Variants in UNC13B observed in about 807,000 individuals in gnomAD.
The protein encoded by UNC13B is unc-13 homolog B.
In UNC13B, 144 loss-of-function variants were observed where a neutral mutation model predicts 211.0. The ratio of observed to expected loss-of-function variants is 0.68; its 90% CI spans 0.60 to 0.78. The LOEUF (loss-of-function observed/expected upper bound fraction) is 0.78. Among genes scored for constraint, UNC13B ranks in the 30% least tolerant of loss-of-function variants. The pLI is 0.00. For synonymous variants in UNC13B, 709 were observed against 725.8 expected, an observed-to-expected ratio of 0.98 and a Z score of 0.37; for missense variants, 1,777 against 2,002.0, an observed-to-expected ratio of 0.89 and a Z score of 2.14.
intron 1 of UNC13B, among the ~76,000 whole-genome samples, chr9:35,223,358 TATA>T (rs1180662016): frequency 6.6e-6 from 1 of 152,192 alleles, no homozygotes; most frequent in East Asian, 1.9e-4. Flanking sequence ...CAGCATCTGT[TATA>T]TTTTGTGGTT....
intron 1 of UNC13B, among the ~76,000 whole-genome samples, chr9:35,204,788 T>C (rs2131391883): frequency 6.6e-6 from 1 of 152,346 alleles, no homozygotes; most frequent in African/African-American, 2.4e-5. Flanking sequence ...GCTTGCCTTG[T>C]CTCAGATGTC....
chr9:35,399,976 GTC>G, intron 36 of UNC13B, among the ~76,000 whole-genome samples: 1 of 152,296 alleles, frequency 6.6e-6, no homozygotes, highest in African/African-American at 2.4e-5. Flanking sequence ...TATGTCATAG[GTC>G]TCAAGTTCTC....
At chr9:35,184,577 G>A (rs544814736) in intron 1 of UNC13B, among the ~76,000 whole-genome samples, 53 of 152,206 alleles carry the variant, frequency 3.5e-4, no homozygotes, top group Admixed American at 2.2e-3. Flanking sequence ...GCGTGGCAGC[G>A]CACGCCTGCA....
chr9:35,402,472 C>T (rs922936666), intron 37 of UNC13B, among the ~76,000 whole-genome samples: 1 of 151,710 alleles, frequency 6.6e-6, no homozygotes, highest in Non-Finnish European at 1.5e-5. Context: ...TTAGTAGAGA[C>T]GGGGTTTCAC....
At chr9:35,352,278 T>C in intron 11 of UNC13B, 2 of 1,232,206 alleles carry the variant, frequency 1.6e-6, no homozygotes, top group Non-Finnish European at 2.0e-6. Context: ...GTTAATGGCA[T>C]GCAGTGCAAC....
Position 35,300,974 on chromosome 9 carries a change from A to G in UNC13B, c.1570A>G (p.Ile524Val), listed in dbSNP as rs1829651707. Residue 524 changes from isoleucine (I) to valine (V), a missense_variant, in exon 9 of 40, where the codon ATC becomes GTC. Ile to Val is a conservative substitution (Grantham distance 29, BLOSUM62 3). Coordinates refer to ENST00000635942, the MANE Select transcript of UNC13B (RefSeq NM_001371189.2). ...TIVKNDKDTA[I>V]SFPELTGVQC... Reference sequence around the variant, plus strand: ...TGTCAAGAATGACAAGGACACGGCCATCTCTTTCCCTGAGTTGACTGGAGT... The same window carrying G: ...TGTCAAGAATGACAAGGACACGGCCGTCTCTTTCCCTGAGTTGACTGGAGT... 2 of 399,012 alleles carry G rather than the reference A, an allele frequency of 5.0e-6. No homozygotes were observed. Among genetic ancestry groups the G allele is most frequent in the East Asian group, 3.6e-5 (1 of 28,068 alleles). 24.7% of individuals were successfully genotyped at this position (399,012 alleles called of 1,614,324 possible).
intron 1 of UNC13B, among the ~76,000 whole-genome samples, chr9:35,196,792 G>T (rs917926179): frequency 1.3e-5 from 2 of 151,840 alleles, no homozygotes; most frequent in Admixed American, 6.6e-5. Context: ...TTTTTTTGAG[G>T]CATGGTCTTG....
rs764916089 is a variant in UNC13B at position 35,400,367 on chromosome 9, A to G, written c.12408A>G (p.Leu4136=). Residue 4136 remains leucine, a synonymous_variant, in exon 37 of 40, where the codon CTA becomes CTG. Coordinates refer to ENST00000635942, the MANE Select transcript of UNC13B (RefSeq NM_001371189.2). ...AGAAGAGCCCAGATCTGCAGTCTCTACGCTATGCCCTGTCTCTGTACACAC... is the reference window on the plus strand; with the variant it reads ...AGAAGAGCCCAGATCTGCAGTCTCTGCGCTATGCCCTGTCTCTGTACACAC... ...FLEKSPDLQS[L]RYALSLYTQT... is the part of the protein sequence containing the mutation. The G allele has an allele frequency of 1.2e-5, 19 of 1,614,042 alleles. No individual in the cohort carries two copies. The highest frequency in any genetic ancestry group is 1.4e-5 in the Non-Finnish European group (16 of 1,180,022).
intron 37 of UNC13B, among the ~76,000 whole-genome samples, chr9:35,402,575 C>T (rs1330222606): frequency 6.6e-6 from 1 of 152,122 alleles, no homozygotes; most frequent in East Asian, 1.9e-4. Flanking sequence ...AGCCACTGCA[C>T]CTGGCCAGGT....
chr9:35,328,242 T>A (rs768250547), intron 11 of UNC13B, among the ~76,000 whole-genome samples: 104 of 152,164 alleles, frequency 6.8e-4, no homozygotes, highest in Non-Finnish European at 1.4e-3. Context: ...CAGGCTGGTC[T>A]CGAATTCCTG....
intron 1 of UNC13B, among the ~76,000 whole-genome samples, chr9:35,213,199 G>T (rs111546230): frequency 2.6e-4 from 40 of 152,172 alleles, no homozygotes; most frequent in Non-Finnish European, 2.9e-4. Flanking sequence ...CCAATGTGAT[G>T]GTATTTGTAG....
intron 13 of UNC13B, among the ~76,000 whole-genome samples, chr9:35,371,388 C>T (rs1834114905): frequency 2.0e-5 from 3 of 149,468 alleles, no homozygotes; most frequent in Middle Eastern, 7.1e-3. Context: ...CCCTGTTACC[C>T]AGGCTGGTCT....
intron 12 of UNC13B, among the ~76,000 whole-genome samples, chr9:35,369,128 T>C (rs12684897): frequency 0.16 from 24,308 of 152,226 alleles, 2,061 homozygotes; most frequent in Admixed American, 0.18. Context: ...GGAGCTGTTT[T>C]ATTAGAAATC....
intron 11 of UNC13B, chr9:35,364,668 T>TGCAC: frequency 2.4e-6 from 3 of 1,263,300 alleles, no homozygotes; most frequent in African/African-American, 1.5e-5. Flanking sequence ...TGTGTGTACA[T>TGCAC]GCACATGTGC....
chr9:35,315,774 C>T (rs548295374), intron 11 of UNC13B, among the ~76,000 whole-genome samples: 5 of 152,270 alleles, frequency 3.3e-5, no homozygotes, highest in South Asian at 2.1e-4. Flanking sequence ...TAGCTTCGTT[C>T]GGTGTTTCCC....
chr9:35,399,309 T>A (rs989549229), intron 34 of UNC13B, 25 bp downstream of exon 34: 1 of 1,614,106 alleles, frequency 6.2e-7, no homozygotes, highest in African/African-American at 1.3e-5. Flanking sequence ...TTCCACTTCC[T>A]CCTGCTGTCT....
chr9:35,403,255 G>T lies in UNC13B; in HGVS notation c.12573G>T (p.Val4191=). 1 of 1,614,154 alleles carries T rather than the reference G, an allele frequency of 6.2e-7. No homozygotes were observed. Among genetic ancestry groups the T allele is most frequent in the South Asian group, 1.1e-5 (1 of 91,070 alleles). The change falls in exon 38 of 40, where the codon GTG becomes GTT. Residue 4191 remains valine (V), a synonymous_variant. Coordinates refer to ENST00000635942, the MANE Select transcript of UNC13B (RefSeq NM_001371189.2). The stretch of plus-strand genomic sequence containing the variant: ...GTACTGGGGAGCACAAGGTCACAGT[G>T]AAAGGTGAGTGATGGACTTACAGGT... ...HPGTGEHKVT[V]KVVAANDLKW... is the part of the protein sequence containing the mutation.
chr9:35,332,782 G>A (rs191165493), intron 11 of UNC13B, among the ~76,000 whole-genome samples: 25 of 152,324 alleles, frequency 1.6e-4, no homozygotes, highest in African/African-American at 5.8e-4. Flanking sequence ...GGCCAAGTTA[G>A]AGTCTCATCT....
intron 11 of UNC13B, among the ~76,000 whole-genome samples, chr9:35,346,012 A>C (rs1832334087): frequency 6.6e-6 from 1 of 152,172 alleles, no homozygotes; most frequent in Non-Finnish European, 1.5e-5. Flanking sequence ...GAACTGCAAT[A>C]CTGGGACCTT....
Sources: allele counts gnomAD v4.1 joint callset (sites outside exome capture counted in the v4.1 genomes callset), GRCh38; gene constraint gnomAD v4.1.1; transcripts MANE v1.5; gene names NCBI Gene and HGNC (gene_info 2026-07-23, HGNC 2026-07-21).